SLC44A1: variants seen among roughly 807,000 people sequenced by gnomAD.
The protein encoded by SLC44A1 is choline transporter-like protein 1.
Under a neutral mutation model 79.3 loss-of-function variants are expected in SLC44A1, and 26 were observed. That is an observed-to-expected ratio of 0.33 (90% CI 0.24 to 0.46). SLC44A1 has a LOEUF of 0.46. Among genes scored for constraint, SLC44A1 ranks in the 20% least tolerant of loss-of-function variants. The pLI is 1.00. For synonymous variants in SLC44A1, 263 were observed against 286.2 expected (o/e 0.92, Z 0.82); for missense variants, 688 against 798.1 (o/e 0.86, Z 1.66).
At chr9:105,356,461 C>G (rs1445276239) in intron 6 of SLC44A1, 80 bp downstream of exon 6, 1 of 892,848 alleles carries the variant, frequency 1.1e-6, no homozygotes, top group Non-Finnish European at 1.7e-6. Flanking sequence ...AATATGAATA[C>G]AACTGGGGAT....
intron 13 of SLC44A1, among the ~76,000 whole-genome samples, chr9:105,375,713 T>G (rs192420391): frequency 6.6e-6 from 1 of 152,134 alleles, no homozygotes; most frequent in Non-Finnish European, 1.5e-5. Flanking sequence ...TCCTTAGAAG[T>G]GTCGAACAAG....
chr9:105,298,314 C>T (rs1231755530), intron 1 of SLC44A1, among the ~76,000 whole-genome samples: 1 of 152,000 alleles, frequency 6.6e-6, no homozygotes, highest in Admixed American at 6.6e-5. Flanking sequence ...GATAAATCTA[C>T]CCCTGAATAG....
At chr9:105,399,755 C>G (rs1479702348), downstream of SLC44A1, among the ~76,000 whole-genome samples, 1 of 146,254 alleles carries the variant, frequency 6.8e-6, no homozygotes, top group Non-Finnish European at 1.5e-5. Context: ...GTGAAGAAAG[C>G]AGGGGCTCAA....
intron 4 of SLC44A1, 31 bp from the exon 5 acceptor site, chr9:105,348,327 C>G: frequency 1.6e-6 from 2 of 1,223,078 alleles, no homozygotes; most frequent in Non-Finnish European, 2.4e-6. Flanking sequence ...TCAGACTGTT[C>G]TGCCACCTAA....
Position 105,396,852 on chromosome 9 carries a change from T to C in SLC44A1, c.*7796T>C, listed in dbSNP as rs1828886785. 1.0e-6 allele frequency: 1 copy of C among 985,090 alleles called. No homozygotes were observed. Among genetic ancestry groups the C allele is most frequent in the Non-Finnish European group, 1.2e-6 (1 of 829,678 alleles). The allele number at this position is 985,090 out of a possible 1,614,324, so 61.0% of individuals were successfully genotyped here. A position where few individuals can be genotyped will look rare whatever the true frequency, so the allele number is the denominator to read the frequency against. On this transcript the variant is annotated 3_prime_UTR_variant, in exon 16 of 16. Transcript: ENST00000374720. ...TCCATGAATTCATAGTTTGGAATCA[T>C]TTACCTTACCATTATTTTGGATTTT...
At chr9:105,327,079 TAA>T (rs1423654848) in intron 3 of SLC44A1, among the ~76,000 whole-genome samples, 1 of 152,232 alleles carries the variant, frequency 6.6e-6, no homozygotes, top group Non-Finnish European at 1.5e-5. Context: ...TAATCAGTCA[TAA>T]AGTTTTCTTC....
chr9:105,373,988 A>T (rs916415008), intron 12 of SLC44A1, among the ~76,000 whole-genome samples: 5 of 152,172 alleles, frequency 3.3e-5, no homozygotes, highest in African/African-American at 4.8e-5. Context: ...GGAGGTAGTG[A>T]CAGTCTCACT....
At chr9:105,363,058 G>A in intron 9 of SLC44A1, 51 bp downstream of exon 9, 1 of 1,371,538 alleles carries the variant, frequency 7.3e-7, no homozygotes, top group Non-Finnish European at 1.0e-6. Flanking sequence ...TTGCATTCCA[G>A]TATTTTAGAA....
At chr9:105,423,615 C>A (rs1829283679) in intron 15 of SLC44A1, among the ~76,000 whole-genome samples, 1 of 152,220 alleles carries the variant, frequency 6.6e-6, no homozygotes, top group Non-Finnish European at 1.5e-5. Context: ...GAATACCCAA[C>A]AATAGAGAAT....
chr9:105,366,457 A>G (rs748324749), intron 12 of SLC44A1, 28 bp downstream of exon 12: 1 of 1,008,778 alleles, frequency 9.9e-7, no homozygotes, highest in Admixed American at 2.9e-5. Context: ...TAAATCTAAT[A>G]TTTACTTTCA....
intron 3 of SLC44A1, among the ~76,000 whole-genome samples, chr9:105,324,833 A>G (rs955816269): frequency 6.6e-6 from 1 of 152,244 alleles, no homozygotes; most frequent in South Asian, 2.1e-4. Flanking sequence ...TAGAATAATT[A>G]TAATAAAAAG....
chr9:105,343,346 G>A (rs1827156040), intron 4 of SLC44A1, among the ~76,000 whole-genome samples: 2 of 152,076 alleles, frequency 1.3e-5, no homozygotes, highest in East Asian at 3.9e-4. Flanking sequence ...AATGATTACT[G>A]TTTAGCCATT....
At chr9:105,354,146 G>C (rs1267504863) in intron 5 of SLC44A1, among the ~76,000 whole-genome samples, 2 of 146,288 alleles carry the variant, frequency 1.4e-5, no homozygotes, top group African/African-American at 5.2e-5. Context: ...CGCCTCCCGG[G>C]TTCACGCCAT....
Position 105,330,487 on chromosome 9 carries a change from GTT to G in SLC44A1, c.270-5074_270-5073del, listed in dbSNP as rs75766320. ...TAAAGAAAGTAAAAGCAAAACAGAA[GTT>G]TAAACCAGTTTTAAACCTTCTATGG... On this transcript the variant is annotated intron_variant, in intron 3 of 15. Coordinates refer to ENST00000374720, the MANE Select transcript of SLC44A1 (RefSeq NM_080546.5). 2.3e-3 allele frequency among the ~76,000 whole-genome samples: 349 copies of G among 152,268 alleles called. 3 individuals carry two copies. In the East Asian group the frequency reaches 0.031, roughly 14 times the overall value.
chr9:105,426,882 A>G (rs1252567986), intron 15 of SLC44A1, among the ~76,000 whole-genome samples: 1 of 152,150 alleles, frequency 6.6e-6, no homozygotes, highest in Non-Finnish European at 1.5e-5. Context: ...TCATGACCCA[A>G]AGGTAAAGAC....
intron 3 of SLC44A1, among the ~76,000 whole-genome samples, chr9:105,332,146 G>A (rs1826772101): frequency 7.6e-6 from 1 of 132,222 alleles, no homozygotes; most frequent in Non-Finnish European, 1.5e-5. Context: ...TTGAGACACA[G>A]TCTCGCTCTG....
intron 1 of SLC44A1, among the ~76,000 whole-genome samples, chr9:105,285,531 G>A (rs900071835): frequency 2.0e-5 from 3 of 152,334 alleles, no homozygotes; most frequent in East Asian, 1.9e-4. Context: ...CAACAAGGCT[G>A]TTTATTTCAC....
At chr9:105,414,790 A>C (rs895232685) in intron 15 of SLC44A1, among the ~76,000 whole-genome samples, 1 of 152,130 alleles carries the variant, frequency 6.6e-6, no homozygotes, top group Non-Finnish European at 1.5e-5. Context: ...CCTGGGCAAC[A>C]TGGCGAGACC....
Position 105,411,589 on chromosome 9 carries a change from C to T in SLC44A1, c.1950+26087C>T, listed in dbSNP as rs76012695. Among the ~76,000 whole-genome samples the T allele has an allele frequency of 4.2e-3, 632 of 151,802 alleles. 5 individuals are homozygous for T. Among genetic ancestry groups the T allele is most frequent in the African/African-American group, 0.014 (592 of 41,286 alleles). On this transcript the variant is annotated intron_variant, in intron 15 of 15. Coordinates refer to the SLC44A1 transcript ENST00000374724. ...TGGTCAACAATCCAATCTAGGATCA[C>T]ACATTGCATTTCATTTTCATGTCTC...
Sources: allele counts gnomAD v4.1 joint callset (sites outside exome capture counted in the v4.1 genomes callset), GRCh38; gene constraint gnomAD v4.1.1; transcripts MANE v1.5; gene names NCBI Gene and HGNC (gene_info 2026-07-23, HGNC 2026-07-21).